TMEM114: variants seen among roughly 807,000 people sequenced by gnomAD.
TMEM114 encodes claudin-26.
A neutral mutation model predicts 6.2 loss-of-function variants in TMEM114; 6 were observed. The ratio of observed to expected loss-of-function variants is 0.97; its 90% confidence interval spans 0.53 to 1.91. The LOEUF (loss-of-function observed/expected upper bound fraction) is 1.91, where lower values mean the gene tolerates loss of function less well. TMEM114 is among the 40% of genes most tolerant of loss of function. The pLI is 0.01. For synonymous variants in TMEM114, 104 were observed against 73.0 expected (o/e 1.42, Z -2.16); for missense variants, 218 against 158.3 (o/e 1.38, Z -2.02).
At chr16:8,572,462 G>C (rs551439727) in intron 2 of TMEM114, among the ~76,000 whole-genome samples, 39 of 152,236 alleles carry the variant, frequency 2.6e-4, no homozygotes, top group African/African-American at 8.9e-4. Flanking sequence ...TTGAGACAGG[G>C]TCTTGCTCTG....
chr16:8,567,048 G>A (rs549456691), downstream of TMEM114, among the ~76,000 whole-genome samples: 11 of 147,970 alleles, frequency 7.4e-5, no homozygotes, highest in South Asian at 1.5e-3. Context: ...TTACAGGCGC[G>A]TGTTACCACA....
intron 2 of TMEM114, among the ~76,000 whole-genome samples, chr16:8,582,432 G>A (rs1477525175): frequency 1.3e-5 from 2 of 152,208 alleles, no homozygotes; most frequent in Non-Finnish European, 2.9e-5. Flanking sequence ...TCGTAATGCA[G>A]GTCTCTGGTT....
In TMEM114 at chr16:8,569,542, C is replaced by A; in HGVS notation, c.*231G>T. Reference sequence around the variant, plus strand: ...TTTTATTTCTCGCGAAGCGGTTTGGCACTCCCTCGGGCTCCTCCAGGCCAC... The same window carrying A: ...TTTTATTTCTCGCGAAGCGGTTTGGAACTCCCTCGGGCTCCTCCAGGCCAC... On this transcript the variant is annotated 3_prime_UTR_variant, in exon 4 of 4. Coordinates refer to ENST00000620492, the MANE Select transcript of TMEM114 (RefSeq NM_001146336.2). 1.4e-6 allele frequency: 2 copies of A among 1,400,860 alleles called. No individual in the cohort carries two copies. Among genetic ancestry groups the A allele is most frequent in the East Asian group, 5.2e-5 (2 of 38,796 alleles). 86.8% of individuals were successfully genotyped at this position (1,400,860 alleles called of 1,614,324 possible).
intron 2 of TMEM114, among the ~76,000 whole-genome samples, chr16:8,562,541 T>TGAATGAGTGAGTGAGA (rs1346077137): frequency 6.7e-6 from 1 of 149,180 alleles, no homozygotes; most frequent in African/African-American, 2.5e-5. Flanking sequence ...AGTGAGTGAG[T>TGAATGAGTGAGTGAGA]GAATGAGTGA....
chr16:8,575,427 T>C (rs1223642717), intron 2 of TMEM114, among the ~76,000 whole-genome samples: 1 of 152,238 alleles, frequency 6.6e-6, no homozygotes, highest in Non-Finnish European at 1.5e-5. Context: ...AATCACACTT[T>C]TGAGAATCAA....
chr16:8,574,550 C>CT (rs1567208082), intron 2 of TMEM114, among the ~76,000 whole-genome samples: 1 of 146,904 alleles, frequency 6.8e-6, no homozygotes, highest in East Asian at 2.0e-4. Context: ...GTGGTCTTTC[C>CT]TTCTTTCTTT....
At chr16:8,561,303 G>A (rs1723007822) in intron 2 of TMEM114, among the ~76,000 whole-genome samples, 1 of 152,154 alleles carries the variant, frequency 6.6e-6, no homozygotes, top group South Asian at 2.1e-4. Context: ...AGAGTTTCTG[G>A]TCTCTCAAAA....
At chr16:8,588,910 G>C (rs1902397683) in intron 2 of TMEM114, among the ~76,000 whole-genome samples, 1 of 152,190 alleles carries the variant, frequency 6.6e-6, no homozygotes, top group Non-Finnish European at 1.5e-5. Context: ...CTCCACATTT[G>C]TCCCAGCACC....
chr16:8,537,252 G>A (rs1297603640), downstream of TMEM114, among the ~76,000 whole-genome samples: 1 of 152,122 alleles, frequency 6.6e-6, no homozygotes, highest in Non-Finnish European at 1.5e-5. Context: ...TGTAATCCCA[G>A]CACTTTGGGA....
intron 2 of TMEM114, among the ~76,000 whole-genome samples, chr16:8,563,793 ATGAG>A (rs1901391209): frequency 9.4e-6 from 1 of 106,268 alleles, no homozygotes; most frequent in Non-Finnish European, 1.9e-5. Context: ...GAGTGAGTAA[ATGAG>A]TGAGGGAGGG....
At chr16:8,561,590 T>G (rs1901201330) in intron 2 of TMEM114, among the ~76,000 whole-genome samples, 1 of 152,224 alleles carries the variant, frequency 6.6e-6, no homozygotes, top group African/African-American at 2.4e-5. Context: ...GTTGAATGAA[T>G]GAGTCGATGA....
chr16:8,549,181 CAAAAA>C (rs1216258524), intron 2 of TMEM114, among the ~76,000 whole-genome samples: 1 of 49,310 alleles, frequency 2.0e-5, no homozygotes, highest in African/African-American at 8.4e-5. Context: ...GACTCCATCT[CAAAAA>C]AAAAAAAAAA....
chr16:8,542,146 G>GC (rs915187291), intron 2 of TMEM114, among the ~76,000 whole-genome samples: 18 of 151,964 alleles, frequency 1.2e-4, no homozygotes, highest in African/African-American at 3.9e-4. Flanking sequence ...GATTCGTGGG[G>GC]GGGGGTCCCT....
At chr16:8,534,825 T>C (rs191581274), downstream of TMEM114, among the ~76,000 whole-genome samples, 409 of 152,368 alleles carry the variant, frequency 2.7e-3, 1 homozygote, top group Non-Finnish European at 4.3e-3. Flanking sequence ...TGTGGGCCTT[T>C]GGGCAAATCT....
intron 3 of TMEM114, among the ~76,000 whole-genome samples, chr16:8,570,252 A>T (rs1011646284): frequency 3.9e-5 from 6 of 152,206 alleles, no homozygotes; most frequent in African/African-American, 1.2e-4. Context: ...TTGCCTGAGC[A>T]GTGATTCCAC....
chr16:8,532,369 G>C, the TMEM114 span, among the ~76,000 whole-genome samples: 1 of 152,014 alleles, frequency 6.6e-6, no homozygotes, highest in Admixed American at 6.6e-5. Flanking sequence ...TTTGGATGTC[G>C]TGATCTCTAA....
intron 2 of TMEM114, among the ~76,000 whole-genome samples, chr16:8,584,476 C>A (rs1397095423): frequency 6.6e-6 from 1 of 152,152 alleles, no homozygotes; most frequent in Non-Finnish European, 1.5e-5. Flanking sequence ...TGACAAGGAA[C>A]CTGTTTCATT....
downstream of TMEM114, among the ~76,000 whole-genome samples, chr16:8,535,015 C>G (rs75401075): frequency 0.011 from 1,712 of 152,276 alleles, 14 homozygotes; most frequent in Middle Eastern, 0.024. Context: ...AACGTCAAGA[C>G]TCGCTTTGGA....
chr16:8,587,553 A>G (rs969083136), intron 2 of TMEM114, among the ~76,000 whole-genome samples: 149,168 of 152,342 alleles, frequency 0.98, 73,060 homozygotes, highest in Middle Eastern at 1. Flanking sequence ...GAGGAAACTT[A>G]GCATGTTCCA....
Sources: allele counts gnomAD v4.1 joint callset (sites outside exome capture counted in the v4.1 genomes callset), GRCh38; gene constraint gnomAD v4.1.1; transcripts MANE v1.5; gene names NCBI Gene and HGNC (gene_info 2026-07-23, HGNC 2026-07-21).